The following ULK4 variants were observed in gnomAD, a reference collection of about 807,000 sequenced individuals.
ULK4 encodes the protein inactive serine/threonine-protein kinase ULK4.
ULK4 carries 133 observed loss-of-function variants against 160.6 expected under a neutral mutation model. The observed-to-expected ratio is 0.83, with a 90% CI of 0.72 to 0.96. The LOEUF is 0.96. Ranked by LOEUF, ULK4 falls within the 40% of genes least tolerant of loss-of-function variation. The pLI, the probability that ULK4 is intolerant of heterozygous loss-of-function variation, is 0.00. For missense variants in ULK4, 1,580 were observed against 1,499.5 expected, an observed-to-expected ratio of 1.05 and a Z score of -0.89; for synonymous variants, 534 against 539.8, an observed-to-expected ratio of 0.99 and a Z score of 0.15.
chr3:41,833,420 C>T (rs1465980291), intron 18 of ULK4, among the ~76,000 whole-genome samples: 3 of 152,096 alleles, frequency 2.0e-5, no homozygotes, highest in East Asian at 1.9e-4. Flanking sequence ...CTCAGCCTCC[C>T]GAGTAGCTGG....
At chr3:41,563,896 T>A (rs1454654525) in intron 32 of ULK4, among the ~76,000 whole-genome samples, 3 of 152,208 alleles carry the variant, frequency 2.0e-5, no homozygotes, top group Admixed American at 6.5e-5. Flanking sequence ...CCAGCTTTGT[T>A]CCGTTGCTGG....
At chr3:41,780,580 C>T (rs886602318) in intron 21 of ULK4, among the ~76,000 whole-genome samples, 1 of 152,026 alleles carries the variant, frequency 6.6e-6, no homozygotes, top group Non-Finnish European at 1.5e-5. Context: ...TTGCAGCAGG[C>T]TGGGCAGCAC....
intron 32 of ULK4, among the ~76,000 whole-genome samples, chr3:41,496,533 G>A (rs1438822919): frequency 1.3e-5 from 2 of 152,016 alleles, no homozygotes; most frequent in African/African-American, 4.8e-5. Context: ...CTGATGAGAA[G>A]TAAGAGCTTG....
chr3:41,839,859 A>T (rs7622259), intron 17 of ULK4, among the ~76,000 whole-genome samples: 47,834 of 152,000 alleles, frequency 0.31, 11,070 homozygotes, highest in African/African-American at 0.66. Context: ...TACTCAGGTA[A>T]AAATCTAACA....
At chr3:41,496,171 G>C (rs933096900) in intron 32 of ULK4, among the ~76,000 whole-genome samples, 21 of 151,930 alleles carry the variant, frequency 1.4e-4, no homozygotes, top group Non-Finnish European at 2.8e-4. Flanking sequence ...AAAAAGAGTA[G>C]AATGAACAAA....
intron 5 of ULK4, among the ~76,000 whole-genome samples, chr3:41,929,974 T>C (rs1699531028): frequency 6.6e-6 from 1 of 152,052 alleles, no homozygotes; most frequent in South Asian, 2.1e-4. Flanking sequence ...CTTCACAGAA[T>C]TGGAAAAAAC....
chr3:41,951,840 C>T (rs867108381), intron 2 of ULK4, among the ~76,000 whole-genome samples: 2 of 152,288 alleles, frequency 1.3e-5, no homozygotes, highest in Middle Eastern at 3.4e-3. Context: ...TTTTCCTCTT[C>T]TGCCATGTGG....
intron 30 of ULK4, among the ~76,000 whole-genome samples, chr3:41,625,752 C>A (rs549168652): frequency 1.3e-5 from 2 of 151,980 alleles, no homozygotes; most frequent in African/African-American, 2.4e-5. Context: ...ATCCTAAATC[C>A]GAAAAGAATG....
chr3:41,816,310 A>G (rs2040962595), intron 19 of ULK4, among the ~76,000 whole-genome samples: 1 of 152,178 alleles, frequency 6.6e-6, no homozygotes, highest in African/African-American at 2.4e-5. Flanking sequence ...ATGGAAACAA[A>G]GGTGATTATT....
chr3:41,756,750 T>C lies in ULK4; in HGVS notation c.2194-2262A>G, dbSNP rs748169330. Among the ~76,000 whole-genome samples the C allele has an allele frequency of 5.5e-5, 8 of 146,152 alleles. No individual in the cohort carries two copies. The East Asian group carries it at 6.2e-4, about 11-fold the overall frequency. The stretch of plus-strand genomic sequence containing the variant: ...AAAACGAAGAAAGTTCCACTAGATA[T>C]TGATCTACACAAAATTAACAGACTG... On this transcript the variant is annotated intron_variant, in intron 21 of 36. Coordinates refer to ENST00000301831, the MANE Select transcript of ULK4 (RefSeq NM_017886.4).
intron 21 of ULK4, among the ~76,000 whole-genome samples, chr3:41,786,939 T>G (rs2040014543): frequency 6.6e-6 from 1 of 152,100 alleles, no homozygotes; most frequent in African/African-American, 2.4e-5. Flanking sequence ...ATATCCCAGA[T>G]TGGGTGCTGA....
At chr3:41,481,946 CAT>C (rs1392184419) in intron 32 of ULK4, among the ~76,000 whole-genome samples, 8 of 151,660 alleles carry the variant, frequency 5.3e-5, no homozygotes, top group African/African-American at 1.7e-4. Context: ...TAGTAGAGCA[CAT>C]GACCCTATGA....
chr3:41,556,361 T>C (rs979296605), intron 32 of ULK4, among the ~76,000 whole-genome samples: 4 of 152,058 alleles, frequency 2.6e-5, no homozygotes, highest in Admixed American at 1.3e-4. Context: ...CTAAAAGACA[T>C]GGAAAATTTT....
chr3:41,721,358 ATATAT>A (rs1378362979), intron 22 of ULK4, among the ~76,000 whole-genome samples: 42 of 61,262 alleles, frequency 6.9e-4, no homozygotes, highest in African/African-American at 3.6e-3. Context: ...ATATATATAT[ATATAT>A]TTTTTTTTTT....
intron 17 of ULK4, among the ~76,000 whole-genome samples, chr3:41,860,545 G>A (rs1283320088): frequency 1.3e-5 from 2 of 151,910 alleles, no homozygotes; most frequent in Non-Finnish European, 2.9e-5. Context: ...AACTACTCCC[G>A]CTCTTTTTTG....
intron 35 of ULK4, among the ~76,000 whole-genome samples, chr3:41,290,378 G>A (rs1248030751): frequency 1.3e-5 from 2 of 152,128 alleles, no homozygotes; most frequent in African/African-American, 2.4e-5. Flanking sequence ...TAACAGATGG[G>A]GAAATTGAGA....
At chr3:41,871,542 T>C (rs1460659509) in intron 17 of ULK4, among the ~76,000 whole-genome samples, 1 of 152,246 alleles carries the variant, frequency 6.6e-6, no homozygotes, top group South Asian at 2.1e-4. Context: ...CACTATTATA[T>C]TGCTTTAATA....
chr3:41,575,598 T>C (rs2088161630), intron 31 of ULK4, among the ~76,000 whole-genome samples: 2 of 152,214 alleles, frequency 1.3e-5, no homozygotes, highest in Admixed American at 1.3e-4. Context: ...TAAAATTATT[T>C]TTAAATTTGA....
At chr3:41,375,781 G>T (rs2081476154) in intron 35 of ULK4, among the ~76,000 whole-genome samples, 1 of 150,116 alleles carries the variant, frequency 6.7e-6, no homozygotes, top group Non-Finnish European at 1.5e-5. Context: ...CTGACAAATG[G>T]GATCTAATTA....
Sources: allele counts gnomAD v4.1 joint callset (sites outside exome capture counted in the v4.1 genomes callset), GRCh38; gene constraint gnomAD v4.1.1; transcripts MANE v1.5; gene names NCBI Gene and HGNC (gene_info 2026-07-23, HGNC 2026-07-21).